Variants in RASAL2 observed in about 807,000 individuals in gnomAD.
The protein encoded by RASAL2 is RAS protein activator like 2.
RASAL2 carries 58 observed loss-of-function variants against 128.9 expected under a neutral mutation model. That is an observed-to-expected ratio of 0.45 (90% CI 0.36 to 0.56). RASAL2 has a LOEUF of 0.56. Ranked by LOEUF, RASAL2 falls within the 20% of genes least tolerant of loss-of-function variation. RASAL2 has a pLI of 0.00. For missense variants in RASAL2, 1,360 were observed against 1,601.6 expected (o/e 0.85, Z 2.57); for synonymous variants, 561 against 580.8 (o/e 0.97, Z 0.49).
At chr1:178,464,828 G>GTTGTTTTTTT (rs1647487533) in intron 15 of RASAL2, among the ~76,000 whole-genome samples, 2 of 34,442 alleles carry the variant, frequency 5.8e-5, no homozygotes, top group Non-Finnish European at 1.2e-4. Context: ...TTTGGTTTTA[G>GTTGTTTTTTT]TTGTTTTTTT....
At chr1:178,181,676 T>C (rs1373588103) in intron 1 of RASAL2, among the ~76,000 whole-genome samples, 1 of 152,146 alleles carries the variant, frequency 6.6e-6, no homozygotes, top group Non-Finnish European at 1.5e-5. Flanking sequence ...CTTGGCATCT[T>C]GGCTGTGACA....
intron 1 of RASAL2, among the ~76,000 whole-genome samples, chr1:178,109,275 T>G (rs923505467): frequency 6.6e-6 from 1 of 152,120 alleles, no homozygotes; most frequent in Non-Finnish European, 1.5e-5. Flanking sequence ...TTTGTTTTGT[T>G]TTTTTTTCCT....
At chr1:178,351,934 C>A (rs987594671) in intron 3 of RASAL2, among the ~76,000 whole-genome samples, 1 of 152,150 alleles carries the variant, frequency 6.6e-6, no homozygotes, top group Admixed American at 6.5e-5. Flanking sequence ...CTCTTTGAGG[C>A]TGAAGCAAAT....
chr1:178,384,260 T>C (rs1214520657), intron 3 of RASAL2, among the ~76,000 whole-genome samples: 1 of 152,216 alleles, frequency 6.6e-6, no homozygotes, highest in African/African-American at 2.4e-5. Context: ...TCTGTTCTAT[T>C]GTAACTTGAG....
At chr1:178,222,819 G>A (rs1318026540) in intron 1 of RASAL2, among the ~76,000 whole-genome samples, 1 of 151,984 alleles carries the variant, frequency 6.6e-6, no homozygotes, top group Non-Finnish European at 1.5e-5. Flanking sequence ...TACTAAATTG[G>A]CATTTCTGGG....
At position 178,094,171 on chromosome 1, in the gene RASAL2, C is replaced by T. The variant is rs1658571155; in HGVS notation, c.-322C>T. Reference sequence around the variant, plus strand: ...AGGCGGCTCCGAGGAGGTGGGAGGGCGAGCCTCCCCTCCCGGGTTCTTCTG... The same window carrying T: ...AGGCGGCTCCGAGGAGGTGGGAGGGTGAGCCTCCCCTCCCGGGTTCTTCTG... On this transcript the variant is annotated 5_prime_UTR_variant, in exon 1 of 18. Coordinates refer to ENST00000367649, the MANE Select transcript of RASAL2 (RefSeq NM_170692.4). The T allele has an allele frequency of 8.3e-6, 3 of 362,324 alleles. No homozygotes were observed. The highest frequency in any genetic ancestry group is 4.8e-5 in the South Asian group (1 of 20,676). 22.4% of individuals were successfully genotyped at this position (362,324 alleles called of 1,614,324 possible). A position where few individuals can be genotyped will look rare whatever the true frequency, so the allele number is the denominator to read the frequency against.
chr1:178,347,096 G>A (rs1670191913), intron 3 of RASAL2, among the ~76,000 whole-genome samples: 1 of 152,094 alleles, frequency 6.6e-6, no homozygotes, highest in Non-Finnish European at 1.5e-5. Context: ...TGATTTACCT[G>A]TTTTTCTCAG....
chr1:178,415,060 T>C (rs1363972449), intron 4 of RASAL2, among the ~76,000 whole-genome samples: 5 of 152,154 alleles, frequency 3.3e-5, no homozygotes, highest in Non-Finnish European at 7.4e-5. Context: ...TGATTTATTG[T>C]TTTCAATTTA....
intron 4 of RASAL2, among the ~76,000 whole-genome samples, chr1:178,398,809 C>T (rs1250267150): frequency 6.6e-6 from 1 of 152,108 alleles, no homozygotes; most frequent in African/African-American, 2.4e-5. Flanking sequence ...ATTCTGTCAC[C>T]AGATCTTGTC....
intron 5 of RASAL2, among the ~76,000 whole-genome samples, chr1:178,430,417 G>GA (rs1292307895): frequency 2.0e-5 from 3 of 152,074 alleles, no homozygotes; most frequent in East Asian, 1.9e-4. Flanking sequence ...TATCTTAATA[G>GA]AAAAAATATT....
chr1:178,327,524 GT>G (rs149504823), intron 3 of RASAL2, among the ~76,000 whole-genome samples: 2 of 151,738 alleles, frequency 1.3e-5, no homozygotes, highest in Non-Finnish European at 2.9e-5. Context: ...AATTTTTTGT[GT>G]TTTTTTAATA....
intron 3 of RASAL2, among the ~76,000 whole-genome samples, chr1:178,362,387 A>G (rs2102483203): frequency 6.6e-6 from 1 of 152,194 alleles, no homozygotes; most frequent in Middle Eastern, 3.4e-3. Flanking sequence ...ACATAGTGAA[A>G]TGATTACTAC....
intron 1 of RASAL2, among the ~76,000 whole-genome samples, chr1:178,209,066 G>A (rs1663165732): frequency 6.6e-6 from 1 of 151,426 alleles, no homozygotes; most frequent in African/African-American, 2.4e-5. Context: ...ATTTTTAATT[G>A]TCTTTTTGTA....
chr1:178,232,100 A>C (rs1443312981), intron 1 of RASAL2, among the ~76,000 whole-genome samples: 1 of 152,140 alleles, frequency 6.6e-6, no homozygotes, highest in Non-Finnish European at 1.5e-5. Context: ...TTGCCAGATG[A>C]AATCATTTTT....
intron 1 of RASAL2, among the ~76,000 whole-genome samples, chr1:178,102,422 A>G (rs904562766): frequency 6.6e-6 from 1 of 152,042 alleles, no homozygotes; most frequent in Non-Finnish European, 1.5e-5. Context: ...CAGTGGCGCA[A>G]TCATAGCTTA....
intron 1 of RASAL2, among the ~76,000 whole-genome samples, chr1:178,270,889 C>G (rs1473169021): frequency 6.6e-6 from 1 of 152,152 alleles, no homozygotes; most frequent in Non-Finnish European, 1.5e-5. Flanking sequence ...TCTAAATTGC[C>G]TGTCTGGAAT....
rs1648453313 is a variant in RASAL2, at chr1:178,473,373, G to A, written c.*134G>A. ...ATGTGGTGAGAAACTCCTGAATGAA[G>A]AAAGGAACCTTGTCTTTCAGGGCAT... is the stretch of plus-strand genomic sequence containing the variant. On this transcript the variant is annotated 3_prime_UTR_variant, in exon 18 of 18. Coordinates refer to ENST00000367649, the MANE Select transcript of RASAL2 (RefSeq NM_170692.4). The A allele has an allele frequency of 8.8e-7, 1 of 1,140,608 alleles. No individual in the cohort carries two copies. The highest frequency in any genetic ancestry group is 1.6e-5 in the African/African-American group (1 of 63,542). 70.7% of individuals were successfully genotyped at this position (1,140,608 alleles called of 1,614,324 possible).
At chr1:178,354,134 A>T (rs1027604600) in intron 3 of RASAL2, among the ~76,000 whole-genome samples, 7 of 152,248 alleles carry the variant, frequency 4.6e-5, no homozygotes, top group Non-Finnish European at 7.3e-5. Context: ...TCCTAAAAAA[A>T]ATATTAGCAA....
At chr1:178,167,508 T>C (rs375928460) in intron 1 of RASAL2, among the ~76,000 whole-genome samples, 2 of 152,094 alleles carry the variant, frequency 1.3e-5, no homozygotes, top group Non-Finnish European at 1.5e-5. Context: ...TAAAGTACAG[T>C]TGATCTTTGG....
Sources: allele counts gnomAD v4.1 joint callset (sites outside exome capture counted in the v4.1 genomes callset), GRCh38; gene constraint gnomAD v4.1.1; transcripts MANE v1.5; gene names NCBI Gene and HGNC (gene_info 2026-07-23, HGNC 2026-07-21).